The following PET117 variants were observed in gnomAD, a reference collection of about 807,000 sequenced individuals.
PET117 encodes the protein PET117 cytochrome c oxidase chaperone.
PET117 carries 10 observed loss-of-function variants against 9.2 expected under a neutral mutation model. That is an observed-to-expected ratio of 1.09 (90% CI 0.67 to 1.85). The LOEUF is 1.85. PET117 is among the 40% of genes most tolerant of loss of function. The pLI is 0.00. For missense variants in PET117, 96 were observed against 98.2 expected (o/e 0.98, Z 0.09); for synonymous variants, 43 against 37.1 (o/e 1.16, Z -0.57).
At chr20:18,138,628 T>G (rs893085732) in intron 1 of PET117, 1 of 216,310 alleles carries the variant, frequency 4.6e-6, no homozygotes. Flanking sequence ...TGTTTGCACT[T>G]CTCGTTTAAA....
At position 18,138,112 on chromosome 20, in the gene PET117, C is replaced by T. The variant is rs561226345; in HGVS notation, c.96+61C>T. On this transcript the variant is annotated intron_variant, in intron 1 of 1. Transcript: ENST00000432901. ...CGCGCGGCGTCGACCTGGGGCCTCT[C>T]GTGGTCTCTGCCCGCTCGGTTCCTC... 8.8e-5 allele frequency: 125 copies of T among 1,419,322 alleles called. 1 individual carries two copies. In the East Asian group the frequency reaches 3.6e-3, roughly 41 times the overall value. The allele number at this position is 1,419,322 out of a possible 1,614,324, so 87.9% of individuals were successfully genotyped here. A position where few individuals can be genotyped will look rare whatever the true frequency, so the allele number is the denominator to read the frequency against.
At chr20:18,138,990 A>G (rs765625111) in intron 1 of PET117, among the ~76,000 whole-genome samples, 1 of 152,152 alleles carries the variant, frequency 6.6e-6, no homozygotes, top group Non-Finnish European at 1.5e-5. Flanking sequence ...AAGGGTGAAA[A>G]TAATGGACTG....
At chr20:18,139,061 A>G (rs948786745) in intron 1 of PET117, among the ~76,000 whole-genome samples, 5 of 152,180 alleles carry the variant, frequency 3.3e-5, no homozygotes, top group African/African-American at 9.7e-5. Context: ...GGACTGTGCT[A>G]TGTGCTTGAT....
At chr20:18,139,633 CGT>C (rs71194228) in intron 1 of PET117, among the ~76,000 whole-genome samples, 11,414 of 141,448 alleles carry the variant, frequency 0.081, 506 homozygotes, top group African/African-American at 0.12. Flanking sequence ...ACCAAAATAA[CGT>C]GTGTGTGTGT....
rs1316856279 is a variant in PET117 at position 18,142,157 on chromosome 20, T to TG, written c.97-47dup. 3 of 1,509,998 alleles carry TG rather than the reference T, an allele frequency of 2.0e-6. No homozygotes were observed. The African/African-American group carries it at 4.2e-5, about 21-fold the overall frequency. 93.5% of individuals were successfully genotyped at this position (1,509,998 alleles called of 1,614,324 possible). The stretch of plus-strand genomic sequence containing the variant: ...TATTTGGATTTGAATGGCACAAGGA[T>TG]GGGGACCACCTGTTCGGGATGTTAC... On this transcript the variant is annotated intron_variant, in intron 1 of 1. Transcript: ENST00000432901.
chr20:18,141,126 G>A (rs57508015), intron 1 of PET117, among the ~76,000 whole-genome samples: 49 of 147,570 alleles, frequency 3.3e-4, no homozygotes, highest in Non-Finnish European at 6.4e-4. Context: ...CAGTCTGCCT[G>A]CCTTGGCCTA....
intron 1 of PET117, among the ~76,000 whole-genome samples, chr20:18,140,126 G>A (rs905241652): frequency 3.8e-4 from 58 of 152,122 alleles, no homozygotes; most frequent in African/African-American, 1.4e-3. Flanking sequence ...AGAAGGAAGG[G>A]TAGGATCTGG....
At chr20:18,142,173 G>C in intron 1 of PET117, 35 bp from the exon 2 acceptor site, 1 of 1,529,096 alleles carries the variant, frequency 6.5e-7, no homozygotes, top group Non-Finnish European at 8.8e-7. Flanking sequence ...CCACCTGTTC[G>C]GGATGTTACT....
chr20:18,139,378 G>C (rs2037434511), intron 1 of PET117, among the ~76,000 whole-genome samples: 1 of 152,184 alleles, frequency 6.6e-6, no homozygotes, highest in Non-Finnish European at 1.5e-5. Context: ...GATGTTTGAA[G>C]GGTTTGGGTA....
In PET117 at chr20:18,142,910, A is replaced by G. The variant is rs1049929323; in HGVS notation, c.*553A>G. On this transcript the variant is annotated 3_prime_UTR_variant, in exon 2 of 2. Coordinates refer to ENST00000432901, the MANE Select transcript of PET117 (RefSeq NM_001164811.2). The stretch of plus-strand genomic sequence containing the variant: ...CTTCTGTGACAAGTGCCAAAAATGG[A>G]TACCAGCCAGTAAGGAGCTTCTCAA... The G allele has an allele frequency of 1.2e-6, 2 of 1,613,764 alleles. No individual in the cohort carries two copies. Among genetic ancestry groups the G allele is most frequent in the African/African-American group, 1.3e-5 (1 of 75,058 alleles).
chr20:18,138,372 T>C, intron 1 of PET117: 1 of 1,064,536 alleles, frequency 9.4e-7, no homozygotes, highest in African/African-American at 1.7e-5. Flanking sequence ...CCAGTGGCTC[T>C]GTTTTCAAGT....
At position 18,142,859 on chromosome 20, in the gene PET117, T is replaced by C; in HGVS notation, c.*502T>C. ...CCTCAACAGTGATGAAGGAGACGTG[T>C]CTTGGATGGAGGAGCAGCTGTCCTA... On this transcript the variant is annotated 3_prime_UTR_variant, in exon 2 of 2. Coordinates refer to ENST00000432901, the MANE Select transcript of PET117 (RefSeq NM_001164811.2). The C allele has an allele frequency of 6.2e-7, 1 of 1,614,146 alleles. No homozygotes were observed. The highest frequency in any genetic ancestry group is 8.5e-7 in the Non-Finnish European group (1 of 1,180,004).
Position 18,137,878 on chromosome 20 carries a change from A to T in PET117, c.-78A>T. ...TCGAGGGGTCGAGCCTGGGCAGTAC[A>T]GGCGGCGGTGCGCACTCTGCGGCGG... On this transcript the variant is annotated 5_prime_UTR_variant, in exon 1 of 2. Transcript: ENST00000432901. 7.2e-7 allele frequency: 1 copy of T among 1,380,612 alleles called. No homozygotes were observed. Among genetic ancestry groups the T allele is most frequent in the Non-Finnish European group, 9.4e-7 (1 of 1,060,390 alleles). The allele number at this position is 1,380,612 out of a possible 1,614,324, so 85.5% of individuals were successfully genotyped here. A position where few individuals can be genotyped will look rare whatever the true frequency, so the allele number is the denominator to read the frequency against.
chr20:18,138,082 CCG>C (rs779680199), intron 1 of PET117, 31 bp downstream of exon 1: 6 of 1,443,436 alleles, frequency 4.2e-6, no homozygotes, highest in Admixed American at 5.5e-5. Flanking sequence ...TCTTCCGGGC[CCG>C]CGCGCGCGGC....
chr20:18,142,267 T>G lies in PET117; in HGVS notation c.156T>G (p.Ile52Met). ...IERQIRKKEN[I>M]RLLGEQIILT... Reference sequence around the variant, plus strand: ...GGCAAATTCGGAAAAAAGAAAACATTCGTCTTTTGGGAGAACAGATTATTT... The same window carrying G: ...GGCAAATTCGGAAAAAAGAAAACATGCGTCTTTTGGGAGAACAGATTATTT... Residue 52 changes from isoleucine (I) to methionine (M), a missense_variant, in exon 2 of 2, where the codon ATT (isoleucine) becomes ATG (methionine). Coordinates refer to ENST00000432901, the MANE Select transcript of PET117 (RefSeq NM_001164811.2). 6.5e-7 allele frequency: 1 copy of G among 1,537,170 alleles called. No homozygotes were observed. The highest frequency in any genetic ancestry group is 8.7e-7 in the Non-Finnish European group (1 of 1,146,888).
Position 18,142,888 on chromosome 20 carries a change from C to A in PET117, c.*531C>A. On this transcript the variant is annotated 3_prime_UTR_variant, in exon 2 of 2. Coordinates refer to ENST00000432901, the MANE Select transcript of PET117 (RefSeq NM_001164811.2). The stretch of plus-strand genomic sequence containing the variant: ...GGATGGAGGAGCAGCTGTCCTACTT[C>A]TGTGACAAGTGCCAAAAATGGATAC... 1 of 1,614,168 alleles carries A rather than the reference C, an allele frequency of 6.2e-7. No individual in the cohort carries two copies. The highest frequency in any genetic ancestry group is 8.5e-7 in the Non-Finnish European group (1 of 1,180,018).
chr20:18,139,642 G>A (rs1416506994), intron 1 of PET117, among the ~76,000 whole-genome samples: 4 of 76,976 alleles, frequency 5.2e-5, no homozygotes, highest in Non-Finnish European at 9.7e-5. Flanking sequence ...ACGTGTGTGT[G>A]TGTGTGTGTG....
In PET117 at chr20:18,142,268, C is replaced by T. The variant is rs117280420; in HGVS notation, c.157C>T (p.Arg53Cys). 1.1e-4 allele frequency: 172 copies of T among 1,537,078 alleles called. No homozygotes were observed. The highest frequency in any genetic ancestry group is 1.4e-4 in the Non-Finnish European group (159 of 1,146,856). ...GCAAATTCGGAAAAAAGAAAACATTCGTCTTTTGGGAGAACAGATTATTTT... is the reference window on the plus strand; with the variant it reads ...GCAAATTCGGAAAAAAGAAAACATTTGTCTTTTGGGAGAACAGATTATTTT... ...ERQIRKKENI[R>C]LLGEQIILTE... is the part of the protein sequence containing the mutation. The change falls in exon 2 of 2, where the codon CGT becomes TGT. Residue 53 changes from arginine (R) to cysteine (C), a missense_variant. By Grantham distance (180) the Arg-to-Cys change is radical. Coordinates refer to ENST00000432901, the MANE Select transcript of PET117 (RefSeq NM_001164811.2).
rs1222781315 is a variant in PET117, at chr20:18,142,277, G to A, written c.166G>A (p.Gly56Arg). The A allele has an allele frequency of 6.5e-7, 1 of 1,537,168 alleles. No individual in the cohort carries two copies. Among genetic ancestry groups the A allele is most frequent in the South Asian group, 1.2e-5 (1 of 84,066 alleles). Residue 56 changes from glycine to arginine, a missense_variant, in exon 2 of 2, where the codon GGA (glycine) becomes AGA (arginine). Transcript: ENST00000432901. ...IRKKENIRLL[G>R]EQIILTEQLE... ...GAAAAAAGAAAACATTCGTCTTTTG[G>A]GAGAACAGATTATTTTGACTGAGCA...
Sources: allele counts gnomAD v4.1 joint callset (sites outside exome capture counted in the v4.1 genomes callset), GRCh38; gene constraint gnomAD v4.1.1; transcripts MANE v1.5; gene names NCBI Gene and HGNC (gene_info 2026-07-23, HGNC 2026-07-21).